ELF5: variants seen among roughly 807,000 people sequenced by gnomAD.
ELF5 encodes the protein E74 like ETS transcription factor 5.
A neutral mutation model predicts 38.2 loss-of-function variants in ELF5; 31 were observed. The ratio of observed to expected loss-of-function variants is 0.81; its 90% confidence interval spans 0.61 to 1.10. The LOEUF is 1.10. ELF5 is among the 50% of genes least tolerant of loss of function. The pLI, the probability that ELF5 is intolerant of heterozygous loss-of-function variation, is 0.00. For synonymous variants in ELF5, 121 were observed against 112.5 expected, an observed-to-expected ratio of 1.08 and a Z score of -0.48; for missense variants, 300 against 306.6, an observed-to-expected ratio of 0.98 and a Z score of 0.16.
chr11:34,487,133 TG>T (rs921559992), intron 4 of ELF5, among the ~76,000 whole-genome samples: 3 of 151,544 alleles, frequency 2.0e-5, no homozygotes, highest in African/African-American at 7.3e-5. Flanking sequence ...TCATCAGGGT[TG>T]GGGGAGAGCC....
In ELF5 at chr11:34,483,056, C is replaced by T. The variant is rs190760864; in HGVS notation, c.407-557G>A. ...CCCTCCAGCTCACACTCGTCTCCAC[C>T]GCTTCTCTTAGCCCCCTGCTTGCTT... On this transcript the variant is annotated intron_variant, in intron 4 of 6. Coordinates refer to ENST00000257832, the MANE Select transcript of ELF5 (RefSeq NM_001422.4). Among the ~76,000 whole-genome samples the T allele has an allele frequency of 7.9e-5, 12 of 152,068 alleles. No individual in the cohort carries two copies. In the East Asian group the frequency reaches 2.1e-3, roughly 27 times the overall value.
intron 4 of ELF5, among the ~76,000 whole-genome samples, chr11:34,488,296 G>A (rs1034916643): frequency 6.6e-6 from 1 of 152,144 alleles, no homozygotes; most frequent in African/African-American, 2.4e-5. Flanking sequence ...TCCAATAAAT[G>A]TTTGTTCAAA....
At chr11:34,497,946 A>G (rs1298322569) in intron 2 of ELF5, among the ~76,000 whole-genome samples, 1 of 152,228 alleles carries the variant, frequency 6.6e-6, no homozygotes, top group Non-Finnish European at 1.5e-5. Context: ...TTATGGTTGA[A>G]TAATATTTTC....
chr11:34,481,267 A>G (rs1280264331), intron 5 of ELF5, among the ~76,000 whole-genome samples: 1 of 151,792 alleles, frequency 6.6e-6, no homozygotes, highest in Non-Finnish European at 1.5e-5. Flanking sequence ...CAGGTGTTGT[A>G]CCCGCCTCAG....
Position 34,488,793 on chromosome 11 carries a change from T to C in ELF5, c.406+1216A>G, listed in dbSNP as rs541780600. On this transcript the variant is annotated intron_variant, in intron 4 of 6. Coordinates refer to ENST00000257832, the MANE Select transcript of ELF5 (RefSeq NM_001422.4). ...TGGTCAGGTCTAGGTCACTACTACT[T>C]AGAGAGTAAAGCAAATGCCTGCCTG... Among the ~76,000 whole-genome samples, 27 of 152,268 alleles carry C rather than the reference T, an allele frequency of 1.8e-4. 1 individual carries two copies. In the South Asian group the frequency reaches 5.2e-3, roughly 29 times the overall value.
chr11:34,500,310 G>A (rs1850430724), intron 2 of ELF5, among the ~76,000 whole-genome samples: 1 of 152,188 alleles, frequency 6.6e-6, no homozygotes, highest in Non-Finnish European at 1.5e-5. Context: ...GATAGCAGGG[G>A]CACCATCAAT....
chr11:34,485,113 T>C (rs1293501857), intron 4 of ELF5, among the ~76,000 whole-genome samples: 1 of 152,220 alleles, frequency 6.6e-6, no homozygotes, highest in Non-Finnish European at 1.5e-5. Flanking sequence ...GAGTATCTCA[T>C]TTCAAACTTA....
intron 4 of ELF5, among the ~76,000 whole-genome samples, chr11:34,486,620 C>T (rs1850004313): frequency 6.6e-6 from 1 of 152,148 alleles, no homozygotes; most frequent in Non-Finnish European, 1.5e-5. Flanking sequence ...ATGTAAAAAG[C>T]ACAGGCTTTG....
Position 34,480,922 on chromosome 11 carries a change from A to C in ELF5, c.521T>G (p.Leu174Arg). ...HLWEFVRDLL[L>R]SPEENCGILE... The stretch of plus-strand genomic sequence containing the variant: ...AATGCCACAGTTTTCTTCAGGAGAT[A>C]GAAGCAGGTCTCGTACAAATTCCCA... The change falls in exon 6 of 7, where the codon CTA becomes CGA. Residue 174 changes from leucine to arginine, a missense_variant. Transcript: ENST00000257832. 6.2e-7 allele frequency: 1 copy of C among 1,614,134 alleles called. No homozygotes were observed. Among genetic ancestry groups the C allele is most frequent in the Non-Finnish European group, 8.5e-7 (1 of 1,180,022 alleles).
chr11:34,507,820 G>T lies in ELF5; in HGVS notation c.-4-2067C>A, dbSNP rs915643171. ...ATAGCTGCTCAAGATCACACCACTG[G>T]TAAGTGTCTTGGGATATTAAACACA... On this transcript the variant is annotated intron_variant, in intron 1 of 6. Transcript: ENST00000257832. Among the ~76,000 whole-genome samples, 3 of 152,198 alleles carry T rather than the reference G, an allele frequency of 2.0e-5. No individual in the cohort carries two copies. In the East Asian group the frequency reaches 5.8e-4, roughly 29 times the overall value.
chr11:34,504,188 G>A (rs529441851), intron 2 of ELF5, among the ~76,000 whole-genome samples: 1 of 152,294 alleles, frequency 6.6e-6, no homozygotes, highest in African/African-American at 2.4e-5. Context: ...ACATAGGGAG[G>A]GCACGGCGAC....
chr11:34,486,633 G>A (rs1236589578), intron 4 of ELF5, among the ~76,000 whole-genome samples: 1 of 152,184 alleles, frequency 6.6e-6, no homozygotes, highest in Non-Finnish European at 1.5e-5. Context: ...AGGCTTTGAG[G>A]AAATGTGTTG....
At chr11:34,510,470 G>T (rs1291743449) in intron 1 of ELF5, among the ~76,000 whole-genome samples, 1 of 152,060 alleles carries the variant, frequency 6.6e-6, no homozygotes, top group Non-Finnish European at 1.5e-5. Context: ...GCCCTCTAAG[G>T]TCCTTGCAAT....
chr11:34,504,923 T>C (rs191554779), intron 2 of ELF5, among the ~76,000 whole-genome samples: 4 of 152,306 alleles, frequency 2.6e-5, no homozygotes, highest in Admixed American at 1.3e-4. Context: ...TGAACACTTG[T>C]TTTGTGCCAG....
At chr11:34,486,524 C>A (rs117274226) in intron 4 of ELF5, among the ~76,000 whole-genome samples, 1 of 152,270 alleles carries the variant, frequency 6.6e-6, no homozygotes, top group Non-Finnish European at 1.5e-5. Flanking sequence ...TAGTGGGCAG[C>A]AGAGTGAATA....
intron 2 of ELF5, among the ~76,000 whole-genome samples, chr11:34,500,450 G>T (rs1028049205): frequency 4.6e-5 from 7 of 152,232 alleles, no homozygotes; most frequent in African/African-American, 1.7e-4. Flanking sequence ...CATAGCCTAT[G>T]GAAAGAGACC....
intron 2 of ELF5, among the ~76,000 whole-genome samples, chr11:34,503,821 A>G (rs2133898039): frequency 6.6e-6 from 1 of 152,328 alleles, no homozygotes; most frequent in Middle Eastern, 3.4e-3. Context: ...CACTTCCCAT[A>G]TGATAACTCA....
chr11:34,485,492 G>A (rs190212084), intron 4 of ELF5, among the ~76,000 whole-genome samples: 4 of 152,304 alleles, frequency 2.6e-5, no homozygotes, highest in South Asian at 2.1e-4. Context: ...GACAACAAGC[G>A]TTCACTGAAA....
chr11:34,513,071 T>G (rs1257136347), intron 1 of ELF5, among the ~76,000 whole-genome samples: 1 of 152,184 alleles, frequency 6.6e-6, no homozygotes, highest in Non-Finnish European at 1.5e-5. Flanking sequence ...CCCCACACAC[T>G]GCAGAGTCTG....
Sources: allele counts gnomAD v4.1 joint callset (sites outside exome capture counted in the v4.1 genomes callset), GRCh38; gene constraint gnomAD v4.1.1; transcripts MANE v1.5; gene names NCBI Gene and HGNC (gene_info 2026-07-23, HGNC 2026-07-21).